The following ARHGAP6 variants were observed in gnomAD, a reference collection of about 807,000 sequenced individuals.
ARHGAP6 encodes the protein Rho GTPase activating protein 6.
ARHGAP6 carries 16 observed loss-of-function variants against 55.7 expected under a neutral mutation model. That is an observed-to-expected ratio of 0.29 (90% confidence interval 0.19 to 0.44). The LOEUF (loss-of-function observed/expected upper bound fraction) is 0.44. Among genes scored for constraint, ARHGAP6 ranks in the 20% least tolerant of loss-of-function variants. The pLI, the probability that ARHGAP6 is intolerant of heterozygous loss-of-function variation, is 1.00. For synonymous variants in ARHGAP6, 382 were observed against 360.9 expected (o/e 1.06, Z -0.66); for missense variants, 698 against 808.9 (o/e 0.86, Z 1.66).
chrX:11,564,314 T>C (rs2051419414), intron 1 of ARHGAP6, among the ~76,000 whole-genome samples: 1 of 111,313 alleles, frequency 9.0e-6, no homozygotes, highest in South Asian at 3.8e-4. Context: ...CAGAACACTA[T>C]TGATTACAAC....
At chrX:11,664,104 A>C (rs1288811255) in intron 1 of ARHGAP6, 137 bp downstream of exon 1, 1 of 602,106 alleles carries the variant, frequency 1.7e-6, no homozygotes, top group Non-Finnish European at 2.5e-6. Context: ...TTTAGCAAGT[A>C]GAAGAGGAAA....
At chrX:11,151,618 C>T (rs921517925) in intron 10 of ARHGAP6, among the ~76,000 whole-genome samples, 2 of 112,051 alleles carry the variant, frequency 1.8e-5, no homozygotes, top group Admixed American at 9.5e-5. Context: ...TTTAACTCCT[C>T]CAATACCGAT....
At chrX:11,287,846 A>T (rs778110286) in intron 1 of ARHGAP6, among the ~76,000 whole-genome samples, 1 of 112,361 alleles carries the variant, frequency 8.9e-6, no homozygotes, top group Admixed American at 9.4e-5. Context: ...TTCTACATTT[A>T]ATTGCTAAGA....
chrX:11,409,742 G>T lies in ARHGAP6; in HGVS notation c.589-155035C>A, dbSNP rs771940896. Among the ~76,000 whole-genome samples, 3 of 112,634 alleles carry T rather than the reference G, an allele frequency of 2.7e-5. No homozygotes were observed. The East Asian group carries it at 8.3e-4, about 31-fold the overall frequency. On this transcript the variant is annotated intron_variant, in intron 1 of 12. Coordinates refer to ENST00000337414, the MANE Select transcript of ARHGAP6 (RefSeq NM_013427.3). ...GAAGCAAATGATCACCATCTAATGT[G>T]CCTCTTGTTTGTTATACAAATAAAA...
intron 1 of ARHGAP6, among the ~76,000 whole-genome samples, chrX:11,321,938 T>C (rs2048437765): frequency 8.9e-6 from 1 of 112,007 alleles, no homozygotes; most frequent in Non-Finnish European, 1.9e-5. Context: ...GAAATTGCAG[T>C]TAAAGTGGCG....
At chrX:11,478,517 C>A (rs1429143603) in intron 1 of ARHGAP6, among the ~76,000 whole-genome samples, 1 of 111,877 alleles carries the variant, frequency 8.9e-6, no homozygotes, top group East Asian at 2.8e-4. Flanking sequence ...TGGCAGTTGC[C>A]TCTGAGCAGG....
chrX:11,354,307 CTCTCTCTCTCTCTCTCTCTCTATA>C (rs2048902507), intron 1 of ARHGAP6, among the ~76,000 whole-genome samples: 6 of 62,526 alleles, frequency 9.6e-5, no homozygotes, highest in Middle Eastern at 6.9e-3. Flanking sequence ...CTCTCTCTCT[CTCTCTCTCTCTCTCTCTCTCTATA>C]TATATATATA....
At chrX:11,212,326 A>G (rs764068226) in intron 2 of ARHGAP6, among the ~76,000 whole-genome samples, 1 of 111,751 alleles carries the variant, frequency 8.9e-6, no homozygotes, top group Non-Finnish European at 1.9e-5. Context: ...CTATGTTTCT[A>G]ATTGGGGAGA....
chrX:11,554,918 C>T (rs1366181225), intron 1 of ARHGAP6, among the ~76,000 whole-genome samples: 3 of 112,153 alleles, frequency 2.7e-5, no homozygotes, highest in African/African-American at 6.5e-5. Flanking sequence ...AAAAGCAATA[C>T]TCCTAAGTGG....
chrX:11,557,044 GA>G (rs1243723440), intron 1 of ARHGAP6, among the ~76,000 whole-genome samples: 1 of 111,841 alleles, frequency 8.9e-6, no homozygotes, highest in Non-Finnish European at 1.9e-5. Context: ...TAATAAAAAG[GA>G]AACATAAAGT....
chrX:11,592,920 T>C (rs995157388), intron 1 of ARHGAP6, among the ~76,000 whole-genome samples: 1 of 111,479 alleles, frequency 9.0e-6, no homozygotes, highest in African/African-American at 3.3e-5. Flanking sequence ...CAGCATTCTA[T>C]TACAGCATAT....
intron 1 of ARHGAP6, among the ~76,000 whole-genome samples, chrX:11,283,698 T>A (rs1034288583): frequency 9.0e-6 from 1 of 111,285 alleles, no homozygotes; most frequent in African/African-American, 3.3e-5. Context: ...GTCAGAGTGA[T>A]GTGATATGAG....
chrX:11,654,640 C>T (rs1158959089), intron 1 of ARHGAP6, among the ~76,000 whole-genome samples: 1 of 111,749 alleles, frequency 8.9e-6, no homozygotes, highest in African/African-American at 3.2e-5. Flanking sequence ...TTAATAGCTT[C>T]TCTGTGCTTG....
intron 1 of ARHGAP6, among the ~76,000 whole-genome samples, chrX:11,581,450 C>A (rs1318728537): frequency 9.0e-6 from 1 of 111,433 alleles, no homozygotes; most frequent in Non-Finnish European, 1.9e-5. Context: ...TACATCCATA[C>A]AAAAATGTGT....
At chrX:11,236,637 T>C (rs1036698527) in intron 2 of ARHGAP6, among the ~76,000 whole-genome samples, 20 of 112,372 alleles carry the variant, frequency 1.8e-4, no homozygotes, top group Non-Finnish European at 3.4e-4. Context: ...TTTTTAATGA[T>C]ATGAAATATT....
At chrX:11,248,022 CA>C (rs2047374761) in intron 2 of ARHGAP6, among the ~76,000 whole-genome samples, 2 of 111,885 alleles carry the variant, frequency 1.8e-5, no homozygotes, top group African/African-American at 6.5e-5. Flanking sequence ...AAAGCATTTT[CA>C]AAAGTCTCTT....
At chrX:11,340,395 T>C (rs1442341644) in intron 1 of ARHGAP6, among the ~76,000 whole-genome samples, 4 of 111,754 alleles carry the variant, frequency 3.6e-5, no homozygotes, top group Non-Finnish European at 7.5e-5. Context: ...AGTCCTCAGA[T>C]TACATGCTGC....
chrX:11,298,724 C>T, intron 1 of ARHGAP6: 1 of 1,211,275 alleles, frequency 8.3e-7, no homozygotes, highest in Middle Eastern at 2.3e-4. Context: ...CTGGCCAACA[C>T]TCCATGACTC....
At chrX:11,184,870 A>C (rs1434749532) in intron 5 of ARHGAP6, among the ~76,000 whole-genome samples, 3 of 111,914 alleles carry the variant, frequency 2.7e-5, no homozygotes, top group Non-Finnish European at 5.6e-5. Context: ...CAATTTCATT[A>C]TTGTGCAAAC....
Sources: gnomAD v4.1 joint callset for allele counts (sites outside exome capture counted in the v4.1 genomes callset) on GRCh38, gnomAD v4.1.1 for gene constraint, MANE v1.5 for transcripts, NCBI Gene and HGNC (gene_info 2026-07-23, HGNC 2026-07-21) for gene names.